The following DCP1A variants were observed in gnomAD, a reference collection of about 807,000 sequenced individuals.
The protein encoded by DCP1A is decapping mRNA 1A, also known as mRNA-decapping enzyme 1A.
DCP1A carries 20 observed loss-of-function variants against 58.0 expected under a neutral mutation model. That is an observed-to-expected ratio of 0.34 (90% CI 0.24 to 0.50). DCP1A has a LOEUF of 0.50. Ranked by LOEUF, DCP1A falls within the 20% of genes least tolerant of loss-of-function variation. The pLI is 0.98. For synonymous variants in DCP1A, 285 were observed against 275.1 expected (o/e 1.04, Z -0.36); for missense variants, 613 against 712.2 (o/e 0.86, Z 1.59).
At chr3:53,322,523 C>A (rs782066254) in intron 3 of DCP1A, among the ~76,000 whole-genome samples, 6 of 151,370 alleles carry the variant, frequency 4.0e-5, no homozygotes, top group Non-Finnish European at 8.8e-5. Context: ...TTGAGTCTTT[C>A]TATTGTTATT....
chr3:53,290,620 C>G, intron 8 of DCP1A, 171 bp downstream of exon 8: 2 of 677,138 alleles, frequency 3.0e-6, no homozygotes, highest in Non-Finnish European at 5.2e-6. Flanking sequence ...ATAATGTGTT[C>G]TTCAGAAAGA....
At chr3:53,310,875 G>A (rs1158270001) in intron 5 of DCP1A, among the ~76,000 whole-genome samples, 1 of 152,198 alleles carries the variant, frequency 6.6e-6, no homozygotes, top group Non-Finnish European at 1.5e-5. Flanking sequence ...GTAGTTTATG[G>A]TGAACATGCC....
At chr3:53,306,931 CTTTTTTTT>C (rs1159787111) in intron 5 of DCP1A, among the ~76,000 whole-genome samples, 1 of 101,558 alleles carries the variant, frequency 9.8e-6, no homozygotes, top group Non-Finnish European at 1.9e-5. Flanking sequence ...CCAGGCTGTT[CTTTTTTTT>C]TTTTTTTTTT....
chr3:53,333,787 A>ACTTATTCC (rs1178991508), intron 3 of DCP1A, among the ~76,000 whole-genome samples: 1 of 152,110 alleles, frequency 6.6e-6, no homozygotes, highest in Non-Finnish European at 1.5e-5. Context: ...CTTCTAGGTC[A>ACTTATTCC]CTTATTCCTT....
intron 8 of DCP1A, among the ~76,000 whole-genome samples, chr3:53,290,420 TACAC>T (rs1261563934): frequency 1.3e-5 from 2 of 152,074 alleles, no homozygotes; most frequent in East Asian, 3.9e-4. Flanking sequence ...CCGTGCCCTC[TACAC>T]ACACAGTCAG....
chr3:53,292,858 G>T, intron 6 of DCP1A, 31 bp from the exon 7 acceptor site: 1 of 1,578,760 alleles, frequency 6.3e-7, no homozygotes, highest in South Asian at 1.1e-5. Flanking sequence ...CCCAGTCAAA[G>T]AGGTCTGTTA....
chr3:53,308,163 T>C lies in DCP1A; in HGVS notation c.511-3873A>G, dbSNP rs547762055. ...GGTAGAACTATGATATTTTCTTCTT[T>C]TTGTTTACTGTAATTTTTGAATATA... On this transcript the variant is annotated intron_variant, in intron 5 of 9. Coordinates refer to ENST00000610213, the MANE Select transcript of DCP1A (RefSeq NM_018403.7). Among the ~76,000 whole-genome samples, 8 of 152,328 alleles carry C rather than the reference T, an allele frequency of 5.3e-5. No individual in the cohort carries two copies. In the South Asian group the frequency reaches 1.7e-3, roughly 32 times the overall value.
chr3:53,346,602 A>G lies in DCP1A; in HGVS notation c.135+781T>C, dbSNP rs140467030. ...TTTTTAAACAACTAACAAAGCTTCA[A>G]GCAGGGGCTAACAAGAATCAGTGAA... On this transcript the variant is annotated intron_variant, in intron 1 of 9. Transcript: ENST00000610213. Among the ~76,000 whole-genome samples the G allele has an allele frequency of 2.9e-3, 445 of 152,342 alleles. 4 individuals carry two copies. The highest frequency in any genetic ancestry group is 0.01 in the African/African-American group (416 of 41,580).
At position 53,283,915 on chromosome 3, in the gene DCP1A, A is replaced by G. The variant is rs1282219302; in HGVS notation, c.*3665T>C. 6.6e-6 allele frequency: 1 copy of G among 152,204 alleles called. No individual in the cohort carries two copies. Among genetic ancestry groups the G allele is most frequent in the African/African-American group, 2.4e-5 (1 of 41,444 alleles). 9.4% of individuals were successfully genotyped at this position (152,204 alleles called of 1,614,324 possible). A position where few individuals can be genotyped will look rare whatever the true frequency, so the allele number is the denominator to read the frequency against. The stretch of plus-strand genomic sequence containing the variant: ...GAATTTGCTGAAAAACAGGCTCCTC[A>G]AGGCCCTGGTCCACTCGGAAATGTT... On this transcript the variant is annotated 3_prime_UTR_variant, in exon 10 of 10. Coordinates refer to ENST00000610213, the MANE Select transcript of DCP1A (RefSeq NM_018403.7).
rs1706522008 is a variant in DCP1A, at chr3:53,283,802, C to T, written c.*3778G>A. The T allele has an allele frequency of 6.6e-6, 1 of 152,166 alleles. No individual in the cohort carries two copies. Among genetic ancestry groups the T allele is most frequent in the Non-Finnish European group, 1.5e-5 (1 of 68,020 alleles). The allele number at this position is 152,166 out of a possible 1,614,324, so 9.4% of individuals were successfully genotyped here. ...AAAGGAAACACAATTCTGCATTTTC[C>T]CCACTTTGAAGTGAATGATATTGCA... On this transcript the variant is annotated 3_prime_UTR_variant, in exon 10 of 10. Transcript: ENST00000610213.
chr3:53,323,339 T>G lies in DCP1A; in HGVS notation c.305-3866A>C, dbSNP rs917190505. 2.6e-5 allele frequency among the ~76,000 whole-genome samples: 4 copies of G among 152,374 alleles called. No homozygotes were observed. In the East Asian group the frequency reaches 7.7e-4, roughly 29 times the overall value. On this transcript the variant is annotated intron_variant, in intron 3 of 9. Coordinates refer to ENST00000610213, the MANE Select transcript of DCP1A (RefSeq NM_018403.7). Reference sequence around the variant, plus strand: ...ATTATTAAGCATTATCTACTGCAGGTTCTTAGTTACGCTCTTAGCGGCTAA... The same window carrying G: ...ATTATTAAGCATTATCTACTGCAGGGTCTTAGTTACGCTCTTAGCGGCTAA...
At chr3:53,322,904 C>T (rs561523496) in intron 3 of DCP1A, among the ~76,000 whole-genome samples, 53 of 151,998 alleles carry the variant, frequency 3.5e-4, no homozygotes, top group African/African-American at 1.3e-3. Flanking sequence ...CTCTGCCTCC[C>T]GTGTTCACGC....
At position 53,291,398 on chromosome 3, in the gene DCP1A, T is replaced by C. The variant is rs576829739; in HGVS notation, c.1384-542A>G. Among the ~76,000 whole-genome samples the C allele has an allele frequency of 1.6e-3, 243 of 152,284 alleles. 10 individuals are homozygous for C. In the South Asian group the frequency reaches 0.049, roughly 31 times the overall value. On this transcript the variant is annotated intron_variant, in intron 7 of 9. Coordinates refer to ENST00000610213, the MANE Select transcript of DCP1A (RefSeq NM_018403.7). ...ATTATTATGGACTATAATCACCCTG[T>C]TGTGTTATTAAATACAGGTCTTATT...
chr3:53,315,326 T>C (rs1553689121), intron 4 of DCP1A, among the ~76,000 whole-genome samples: 1 of 151,748 alleles, frequency 6.6e-6, no homozygotes, highest in African/African-American at 2.4e-5. Context: ...GATCATGAGG[T>C]CAGGAGTTCA....
At position 53,292,169 on chromosome 3, in the gene DCP1A, A is replaced by G; in HGVS notation, c.1283T>C (p.Leu428Pro). 1 of 1,613,908 alleles carries G rather than the reference A, an allele frequency of 6.2e-7. No homozygotes were observed. Reference protein sequence around the residue: ...VASFSPAAGQLATPESFIEPP... With the variant: ...VASFSPAAGQPATPESFIEPP... Reference sequence around the variant, plus strand: ...CTCTATGAAGCTCTCAGGTGTGGCTAGCTGACCAGCTGCCGGAGAAAAGCT... The same window carrying G: ...CTCTATGAAGCTCTCAGGTGTGGCTGGCTGACCAGCTGCCGGAGAAAAGCT... Residue 428 changes from leucine (L) to proline (P), a missense_variant, in exon 7 of 10, where the codon CTA becomes CCA. This residue lies in a region of DCP1A where 498 missense variants were observed against 556.7 expected (regional missense o/e 0.89). Transcript: ENST00000610213.
intron 2 of DCP1A, among the ~76,000 whole-genome samples, chr3:53,343,965 C>T (rs1402744479): frequency 6.6e-6 from 1 of 151,766 alleles, no homozygotes; most frequent in East Asian, 1.9e-4. Context: ...AAGAAAGTGT[C>T]TAAGAAAAAA....
intron 2 of DCP1A, among the ~76,000 whole-genome samples, chr3:53,342,792 T>A (rs1445182139): frequency 1.3e-5 from 2 of 152,192 alleles, no homozygotes; most frequent in African/African-American, 4.8e-5. Flanking sequence ...TTATTTTTAG[T>A]ATTTATTGTC....
chr3:53,300,339 C>CTTT (rs34299781), intron 6 of DCP1A, among the ~76,000 whole-genome samples: 33 of 139,532 alleles, frequency 2.4e-4, no homozygotes, highest in African/African-American at 2.9e-4. Flanking sequence ...TGCTTTATGA[C>CTTT]TTTTTTTTTT....
chr3:53,344,009 TAAA>T (rs1478594378), intron 2 of DCP1A, among the ~76,000 whole-genome samples: 2 of 151,988 alleles, frequency 1.3e-5, no homozygotes, highest in South Asian at 2.1e-4. Flanking sequence ...GAATTACACT[TAAA>T]AGAAGAAAAA....
Sources: allele counts gnomAD v4.1 joint callset (sites outside exome capture counted in the v4.1 genomes callset), GRCh38; gene constraint gnomAD v4.1.1; regional missense constraint gnomAD v4.1.1; transcripts MANE v1.5; gene names NCBI Gene and HGNC (gene_info 2026-07-23, HGNC 2026-07-21).